GABRA1: variants seen among roughly 807,000 people sequenced by gnomAD.
The protein encoded by GABRA1 is gamma-aminobutyric acid receptor subunit alpha-1.
GABRA1 carries 9 observed loss-of-function variants against 48.9 expected under a neutral mutation model. The ratio of observed to expected loss-of-function variants is 0.18; its 90% confidence interval spans 0.11 to 0.32. GABRA1 has a LOEUF of 0.32. GABRA1 is among the 10% of genes least tolerant of loss of function. GABRA1 has a pLI of 1.00. For missense variants in GABRA1, 285 were observed against 553.8 expected (o/e 0.51, Z 4.87); for synonymous variants, 210 against 198.7 (o/e 1.06, Z -0.48).
At chr5:161,895,899 C>A in intron 9 of GABRA1, 31 bp downstream of exon 9, 4 of 1,542,582 alleles carry the variant, frequency 2.6e-6, no homozygotes, top group South Asian at 2.2e-5. Context: ...TGTAGTACAT[C>A]AATATTATGT....
intron 8 of GABRA1, among the ~76,000 whole-genome samples, chr5:161,891,483 T>A (rs1755086224): frequency 6.6e-6 from 1 of 152,186 alleles, no homozygotes; most frequent in African/African-American, 2.4e-5. Flanking sequence ...GGAGAGCCAA[T>A]TAATGACCAC....
chr5:161,865,411 A>G (rs1422821103), intron 3 of GABRA1, among the ~76,000 whole-genome samples: 3 of 152,118 alleles, frequency 2.0e-5, no homozygotes, highest in Non-Finnish European at 4.4e-5. Context: ...ATGTATTTTC[A>G]TTACAATGTG....
intron 8 of GABRA1, among the ~76,000 whole-genome samples, chr5:161,895,241 T>C (rs1260255035): frequency 6.6e-6 from 1 of 152,132 alleles, no homozygotes; most frequent in East Asian, 1.9e-4. Context: ...GGTTTACATA[T>C]TTGGGGTACA....
chr5:161,848,119 C>G (rs1472720493), upstream of GABRA1: 2 of 152,196 alleles, frequency 1.3e-5, no homozygotes, highest in Non-Finnish European at 2.9e-5. Flanking sequence ...GAAGTCACCG[C>G]CTATTTCACA....
chr5:161,866,624 A>C (rs1313320184), intron 4 of GABRA1, among the ~76,000 whole-genome samples: 1 of 152,152 alleles, frequency 6.6e-6, no homozygotes, highest in Admixed American at 6.6e-5. Context: ...AAACTTACAG[A>C]AACTATGAAT....
chr5:161,895,500 C>T (rs1253098356), intron 8 of GABRA1, among the ~76,000 whole-genome samples, 166 bp from the exon 9 acceptor site: 1 of 152,152 alleles, frequency 6.6e-6, no homozygotes, highest in South Asian at 2.1e-4. Flanking sequence ...ACAGACTACA[C>T]TGGGGTTAAA....
intron 3 of GABRA1, among the ~76,000 whole-genome samples, chr5:161,855,439 A>G (rs1212262504): frequency 2.0e-5 from 3 of 151,578 alleles, no homozygotes; most frequent in Admixed American, 2.0e-4. Context: ...AGGTCTTACC[A>G]GGTGTCCTTT....
intron 3 of GABRA1, among the ~76,000 whole-genome samples, chr5:161,864,289 G>A (rs908972029): frequency 1.3e-5 from 2 of 151,976 alleles, no homozygotes; most frequent in South Asian, 2.1e-4. Flanking sequence ...TGCCACGCTG[G>A]TGCGCTGCAC....
chr5:161,875,992 C>CT (rs1463469421), intron 6 of GABRA1, among the ~76,000 whole-genome samples: 5 of 152,104 alleles, frequency 3.3e-5, no homozygotes, highest in African/African-American at 1.2e-4. Context: ...TATTTTATAT[C>CT]TTTACTGACA....
intron 7 of GABRA1, among the ~76,000 whole-genome samples, chr5:161,889,650 T>C (rs1755001588): frequency 6.6e-6 from 1 of 152,112 alleles, no homozygotes. Flanking sequence ...AGAACTATGC[T>C]ATGCATACTC....
chr5:161,847,337 T>A (rs1757253816), upstream of GABRA1: 1 of 152,308 alleles, frequency 6.6e-6, no homozygotes, highest in East Asian at 1.9e-4. Context: ...GGAGATATGA[T>A]TCTCAAACCT....
At chr5:161,870,299 C>T (rs369950491) in intron 4 of GABRA1, among the ~76,000 whole-genome samples, 2 of 152,086 alleles carry the variant, frequency 1.3e-5, no homozygotes, top group South Asian at 2.1e-4. Context: ...CAGTGGATCA[C>T]TCCTATAATC....
intron 8 of GABRA1, among the ~76,000 whole-genome samples, chr5:161,891,478 G>A (rs753817729): frequency 2.1e-4 from 32 of 152,110 alleles, no homozygotes; most frequent in Non-Finnish European, 2.6e-4. Flanking sequence ...AGTAGGGAGA[G>A]CCAATTAATG....
chr5:161,891,127 G>C (rs911293935), intron 8 of GABRA1, 77 bp downstream of exon 8: 2 of 1,339,506 alleles, frequency 1.5e-6, no homozygotes, highest in Non-Finnish European at 2.1e-6. Context: ...ACTGCAAAGA[G>C]AAATAAAAAA....
At chr5:161,887,451 A>G (rs185243003) in intron 7 of GABRA1, among the ~76,000 whole-genome samples, 212 of 152,270 alleles carry the variant, frequency 1.4e-3, no homozygotes, top group African/African-American at 3.8e-3. Context: ...TGGGAAAAAA[A>G]AAAGACTTCT....
At chr5:161,880,089 C>A (rs1754547423) in intron 6 of GABRA1, among the ~76,000 whole-genome samples, 1 of 152,152 alleles carries the variant, frequency 6.6e-6, no homozygotes, top group South Asian at 2.1e-4. Context: ...AAAACACTTA[C>A]AAAACACAGT....
intron 2 of GABRA1, among the ~76,000 whole-genome samples, chr5:161,853,284 G>A (rs1757522253): frequency 6.6e-6 from 1 of 151,774 alleles, no homozygotes; most frequent in African/African-American, 2.4e-5. Flanking sequence ...ACTAATAATG[G>A]TAAGGGACAC....
At chr5:161,878,527 A>T (rs182411498) in intron 6 of GABRA1, among the ~76,000 whole-genome samples, 1 of 152,346 alleles carries the variant, frequency 6.6e-6, no homozygotes, top group African/African-American at 2.4e-5. Context: ...AGTCTGTAAT[A>T]AATGTTTATG....
intron 6 of GABRA1, among the ~76,000 whole-genome samples, chr5:161,876,875 C>T (rs945739520): frequency 7.9e-5 from 12 of 152,110 alleles, no homozygotes; most frequent in African/African-American, 2.9e-4. Context: ...CCTAATCTTA[C>T]AGTTAGGAAG....
Sources: gnomAD v4.1 joint callset for allele counts (sites outside exome capture counted in the v4.1 genomes callset) on GRCh38, gnomAD v4.1.1 for gene constraint, MANE v1.5 for transcripts, NCBI Gene and HGNC (gene_info 2026-07-23, HGNC 2026-07-21) for gene names.